The following BRAF variants were observed in gnomAD, a reference collection of about 807,000 sequenced individuals.
BRAF encodes B-Raf proto-oncogene, serine/threonine kinase.
A neutral mutation model predicts 104.6 loss-of-function variants in BRAF; 16 were observed. The ratio of observed to expected loss-of-function variants is 0.15; its 90% CI spans 0.10 to 0.23. BRAF has a LOEUF of 0.23. Among genes scored for constraint, BRAF ranks in the 10% least tolerant of loss-of-function variants. The probability of loss-of-function intolerance (pLI) is 1.00; values close to 1 mark genes in which losing one functional copy is unlikely to be tolerated. For missense variants in BRAF, 541 were observed against 937.3 expected (o/e 0.58, Z 5.52); for synonymous variants, 310 against 341.6 (o/e 0.91, Z 1.02).
chr7:140,749,180 C>T, intron 17 of BRAF, 107 bp downstream of exon 16: 1 of 1,482,580 alleles, frequency 6.7e-7, no homozygotes, highest in Non-Finnish European at 9.2e-7. Flanking sequence ...AACAAAAAAT[C>T]AAGAAATCTA....
intron 6 of BRAF, among the ~76,000 whole-genome samples, chr7:140,800,779 G>A (rs891188439): frequency 2.6e-5 from 4 of 152,108 alleles, no homozygotes; most frequent in Non-Finnish European, 4.4e-5. Flanking sequence ...TGTAAATTAG[G>A]TGACATTATA....
chr7:140,753,588 C>T (rs546433071), intron 15 of BRAF, 195 bp from the exon 15 acceptor site: 2 of 461,450 alleles, frequency 4.3e-6, no homozygotes, highest in South Asian at 2.3e-5. Flanking sequence ...GCCTATATAA[C>T]CTGCTTTTAA....
chr7:140,749,516 AAC>A, intron 16 of BRAF, 98 bp from the exon 16 acceptor site: 1 of 1,286,408 alleles, frequency 7.8e-7, no homozygotes, highest in African/African-American at 1.5e-5. Context: ...TTACCATTAA[AAC>A]ACCTGTCTAA....
chr7:140,730,918 T>C (rs975652708), intron 19 of BRAF: 1 of 152,238 alleles, frequency 6.6e-6, no homozygotes, highest in African/African-American at 2.4e-5. Flanking sequence ...TTACTTCTTA[T>C]CCAAATCAAT....
chr7:140,769,724 T>A (rs1205399596), intron 14 of BRAF, among the ~76,000 whole-genome samples: 1 of 152,138 alleles, frequency 6.6e-6, no homozygotes, highest in Non-Finnish European at 1.5e-5. Flanking sequence ...TTTCTTTTTT[T>A]AAAAAAATGT....
Position 140,903,640 on chromosome 7 carries a change from C to T in BRAF, c.138+20926G>A, listed in dbSNP as rs577733188. On this transcript the variant is annotated intron_variant, in intron 1 of 19. Transcript: ENST00000644969. ...GTACCTTTCATTGGGCTATAGCCGC[C>T]ATAGATATCGTTATTACTCTGATGG... Among the ~76,000 whole-genome samples the T allele has an allele frequency of 1.8e-4, 27 of 152,342 alleles. No homozygotes were observed. In the South Asian group the frequency reaches 5.0e-3, roughly 28 times the overall value.
chr7:140,825,843 CAA>C (rs1215977791), intron 3 of BRAF, among the ~76,000 whole-genome samples: 1 of 152,074 alleles, frequency 6.6e-6, no homozygotes, highest in African/African-American at 2.4e-5. Context: ...GCTTTTAAAA[CAA>C]TATTCTTTGG....
At chr7:140,769,541 G>C (rs1255223258) in intron 14 of BRAF, among the ~76,000 whole-genome samples, 2 of 152,010 alleles carry the variant, frequency 1.3e-5, no homozygotes, top group Non-Finnish European at 2.9e-5. Flanking sequence ...ATTTTTAAGT[G>C]GTCTCATGCT....
intron 4 of BRAF, chr7:140,808,349 T>A (rs1484319885): frequency 4.9e-5 from 8 of 163,414 alleles, no homozygotes; most frequent in East Asian, 1.7e-4. Flanking sequence ...GTTCCTGGGG[T>A]CCAAAAAAAA....
intron 8 of BRAF, among the ~76,000 whole-genome samples, chr7:140,789,977 G>A (rs1213066824): frequency 6.6e-6 from 1 of 152,172 alleles, no homozygotes; most frequent in Non-Finnish European, 1.5e-5. Context: ...CGATCCGCCT[G>A]CCTTGGCCTC....
chr7:140,717,493 C>T (rs766237160), downstream of BRAF, among the ~76,000 whole-genome samples: 56 of 152,132 alleles, frequency 3.7e-4, no homozygotes, highest in East Asian at 9.7e-4. Flanking sequence ...AGTGATCCTC[C>T]CACTTTAGCC....
In BRAF at chr7:140,721,731, T is replaced by C; in HGVS notation, c.*4763A>G. The C allele has an allele frequency of 6.6e-7, 1 of 1,516,502 alleles. No individual in the cohort carries two copies. Among genetic ancestry groups the C allele is most frequent in the South Asian group, 1.2e-5 (1 of 80,586 alleles). 93.9% of individuals were successfully genotyped at this position (1,516,502 alleles called of 1,614,324 possible). On this transcript the variant is annotated 3_prime_UTR_variant, in exon 20 of 20. Coordinates refer to ENST00000644969, the MANE Select transcript of BRAF (RefSeq NM_001374258.1). ...TGCTGGAGACAATACATGGACTTTC[T>C]CTTTCAATGGTGAGGAATGAAACAA...
chr7:140,904,496 T>C (rs1184448078), intron 1 of BRAF, among the ~76,000 whole-genome samples: 1 of 152,242 alleles, frequency 6.6e-6, no homozygotes, highest in Non-Finnish European at 1.5e-5. Flanking sequence ...TAACATTTGA[T>C]TCTCTCACTT....
intron 1 of BRAF, among the ~76,000 whole-genome samples, chr7:140,862,102 T>G (rs1810481813): frequency 6.6e-6 from 1 of 152,228 alleles, no homozygotes; most frequent in Non-Finnish European, 1.5e-5. Context: ...TTTTTGTCAA[T>G]TTAGTCCTTA....
At chr7:140,810,796 T>C (rs1372110251) in intron 3 of BRAF, among the ~76,000 whole-genome samples, 1 of 152,224 alleles carries the variant, frequency 6.6e-6, no homozygotes, top group African/African-American at 2.4e-5. Flanking sequence ...AATGAGATAT[T>C]TGAGTCGCCT....
At chr7:140,763,603 G>T (rs1799012026) in intron 14 of BRAF, among the ~76,000 whole-genome samples, 1 of 152,222 alleles carries the variant, frequency 6.6e-6, no homozygotes, top group South Asian at 2.1e-4. Context: ...ATAAAAAAAT[G>T]ATAAAGGGGA....
intron 3 of BRAF, among the ~76,000 whole-genome samples, chr7:140,814,978 G>A (rs1235586491): frequency 2.6e-5 from 4 of 151,550 alleles, no homozygotes; most frequent in African/African-American, 7.3e-5. Context: ...ACGATTATAT[G>A]CCTTAAGTAA....
intron 19 of BRAF, among the ~76,000 whole-genome samples, chr7:140,729,384 C>A (rs1018933820): frequency 6.6e-6 from 1 of 152,200 alleles, no homozygotes; most frequent in Non-Finnish European, 1.5e-5. Context: ...GTGGCTCATG[C>A]CTGTAATCCC....
chr7:140,787,697 T>C, intron 8 of BRAF, 113 bp from the exon 9 acceptor site: 1 of 884,812 alleles, frequency 1.1e-6, no homozygotes, highest in Non-Finnish European at 1.8e-6. Context: ...ATTAAAACAA[T>C]ACATCTTATA....
Sources: gnomAD v4.1 joint callset for allele counts (sites outside exome capture counted in the v4.1 genomes callset) on GRCh38, gnomAD v4.1.1 for gene constraint, MANE v1.5 for transcripts, NCBI Gene and HGNC (gene_info 2026-07-23, HGNC 2026-07-21) for gene names.